LARGE1: variants seen among roughly 807,000 people sequenced by gnomAD.
LARGE1 encodes the protein xylosyl- and glucuronyltransferase LARGE1.
Under a neutral mutation model 87.6 loss-of-function variants are expected in LARGE1, and 43 were observed. The observed-to-expected ratio is 0.49, with a 90% CI of 0.38 to 0.63. The LOEUF is 0.63. LARGE1 is among the 30% of genes least tolerant of loss of function. The pLI, the probability that LARGE1 is intolerant of heterozygous loss-of-function variation, is 0.00. For synonymous variants in LARGE1, 434 were observed against 394.6 expected, an observed-to-expected ratio of 1.10 and a Z score of -1.18; for missense variants, 802 against 1,000.2, an observed-to-expected ratio of 0.80 and a Z score of 2.67.
the LARGE1 span, among the ~76,000 whole-genome samples, chr22:33,127,646 T>C: frequency 1.3e-5 from 2 of 152,192 alleles, no homozygotes; most frequent in South Asian, 2.1e-4. Context: ...ACATTCCTAT[T>C]TCTAGGATAG....
chr22:33,261,108 AC>A (rs906821883), intron 11 of LARGE1, among the ~76,000 whole-genome samples: 1 of 152,052 alleles, frequency 6.6e-6, no homozygotes, highest in Non-Finnish European at 1.5e-5. Context: ...GTGTACCAGC[AC>A]CCCTTCGTGC....
the LARGE1 span, among the ~76,000 whole-genome samples, chr22:33,111,614 C>G: frequency 6.6e-6 from 1 of 152,064 alleles, no homozygotes; most frequent in Non-Finnish European, 1.5e-5. Flanking sequence ...TTTTTAACCT[C>G]AAAAAACGTC....
intron 1 of LARGE1, chr22:33,889,373 C>T (rs1391059469): frequency 6.6e-6 from 1 of 152,242 alleles, no homozygotes; most frequent in African/African-American, 2.4e-5. Flanking sequence ...TTTATGACAT[C>T]TTTTTCAATG....
At position 33,591,791 on chromosome 22, in the gene LARGE1, TGGGCCAGGAGTTCAAGATCAACAC is replaced by T. The variant is rs1413937814; in HGVS notation, c.615+12620_615+12643del. On this transcript the variant is annotated intron_variant, in intron 5 of 14. Transcript: ENST00000397394. Reference sequence around the variant, plus strand: ...GGGAGGCCGAGGTAGCAGGACTGCTTGGGCCAGGAGTTCAAGATCAACACGGGCAATATAGCAAGACCCGTCTCT... The same window carrying T: ...GGGAGGCCGAGGTAGCAGGACTGCTTGGGCAATATAGCAAGACCCGTCTCT... Among the ~76,000 whole-genome samples, 270 of 147,338 alleles carry T rather than the reference TGGGCCAGGAGTTCAAGATCAACAC, an allele frequency of 1.8e-3. 1 individual carries two copies. Among genetic ancestry groups the T allele is most frequent in the African/African-American group, 6.7e-3 (265 of 39,828 alleles).
At chr22:33,261,260 G>A (rs376884105) in intron 11 of LARGE1, among the ~76,000 whole-genome samples, 2 of 152,314 alleles carry the variant, frequency 1.3e-5, no homozygotes, top group South Asian at 2.1e-4. Context: ...ACACAGTGCT[G>A]TAGCTGACAT....
intron 2 of LARGE1, among the ~76,000 whole-genome samples, chr22:33,725,320 T>G (rs2083237591): frequency 6.6e-6 from 1 of 152,092 alleles, no homozygotes; most frequent in Non-Finnish European, 1.5e-5. Context: ...GGTGGTGACC[T>G]GCCCATTGGC....
At chr22:33,506,206 A>T (rs1167344331) in intron 6 of LARGE1, among the ~76,000 whole-genome samples, 1 of 152,058 alleles carries the variant, frequency 6.6e-6, no homozygotes, top group South Asian at 2.1e-4. Context: ...TAATATATAT[A>T]TATATATATT....
intron 1 of LARGE1, among the ~76,000 whole-genome samples, chr22:33,773,008 C>T (rs2085120483): frequency 6.6e-6 from 1 of 152,226 alleles, no homozygotes; most frequent in Non-Finnish European, 1.5e-5. Flanking sequence ...ATCCACACAG[C>T]ATCCCACACA....
At chr22:33,662,388 C>A (rs768514082) in intron 2 of LARGE1, among the ~76,000 whole-genome samples, 4 of 152,134 alleles carry the variant, frequency 2.6e-5, no homozygotes, top group Non-Finnish European at 5.9e-5. Context: ...TTGACTTGCA[C>A]CATATTCTCG....
At chr22:33,629,316 T>C (rs371896947) in intron 3 of LARGE1, among the ~76,000 whole-genome samples, 14 of 152,306 alleles carry the variant, frequency 9.2e-5, no homozygotes, top group Non-Finnish European at 1.3e-4. Flanking sequence ...TATTTAAACA[T>C]ACAGCCTCAG....
chr22:33,668,172 TA>T (rs2081317591), intron 2 of LARGE1, among the ~76,000 whole-genome samples: 1 of 152,224 alleles, frequency 6.6e-6, no homozygotes, highest in African/African-American at 2.4e-5. Flanking sequence ...TTGTTAATTA[TA>T]GGTAAAGATA....
intron 2 of LARGE1, among the ~76,000 whole-genome samples, chr22:33,704,562 C>G (rs948790513): frequency 3.3e-5 from 5 of 152,166 alleles, no homozygotes; most frequent in African/African-American, 1.2e-4. Flanking sequence ...ATTCCCTGAG[C>G]ACTACTGTTG....
At chr22:33,500,331 C>T (rs983771944) in intron 6 of LARGE1, among the ~76,000 whole-genome samples, 3 of 152,170 alleles carry the variant, frequency 2.0e-5, no homozygotes, top group African/African-American at 7.2e-5. Flanking sequence ...GGAACATCTT[C>T]AGGCAGCAAA....
chr22:33,823,160 C>T, intron 1 of LARGE1, among the ~76,000 whole-genome samples: 1 of 152,178 alleles, frequency 6.6e-6, no homozygotes, highest in East Asian at 1.9e-4. Context: ...AAAAGAATAA[C>T]AAGTCATGAC....
chr22:33,832,606 C>A (rs1022388506), intron 1 of LARGE1, among the ~76,000 whole-genome samples: 3 of 152,174 alleles, frequency 2.0e-5, no homozygotes, highest in African/African-American at 7.2e-5. Flanking sequence ...ATGCGGCAAC[C>A]CCAGAGGGCT....
At chr22:33,096,640 C>G in the LARGE1 span, among the ~76,000 whole-genome samples, 1 of 150,380 alleles carries the variant, frequency 6.6e-6, no homozygotes, top group Non-Finnish European at 1.5e-5. Flanking sequence ...TCTCGGCTCA[C>G]TGCAAGCTCC....
At chr22:33,882,473 G>C (rs1164986700) in intron 1 of LARGE1, among the ~76,000 whole-genome samples, 1 of 152,146 alleles carries the variant, frequency 6.6e-6, no homozygotes, top group East Asian at 1.9e-4. Context: ...AGTGATAAAG[G>C]GGCAGGTGAG....
intron 9 of LARGE1, among the ~76,000 whole-genome samples, chr22:33,371,706 C>T (rs538176855): frequency 7.2e-5 from 11 of 152,152 alleles, no homozygotes; most frequent in South Asian, 2.1e-4. Flanking sequence ...AAATGTTTGC[C>T]GGGCGCGGTG....
intron 7 of LARGE1, among the ~76,000 whole-genome samples, chr22:33,398,069 G>A (rs2065810129): frequency 6.6e-6 from 1 of 152,056 alleles, no homozygotes; most frequent in Non-Finnish European, 1.5e-5. Context: ...TGTGGGTCCT[G>A]AAGCTGACTG....
Sources: allele counts gnomAD v4.1 joint callset (sites outside exome capture counted in the v4.1 genomes callset), GRCh38; gene constraint gnomAD v4.1.1; transcripts MANE v1.5; gene names NCBI Gene and HGNC (gene_info 2026-07-23, HGNC 2026-07-21).